The following RHOA variants were observed in gnomAD, a reference collection of about 807,000 sequenced individuals.
RHOA encodes the protein ras homolog family member A.
Under a neutral mutation model 17.5 loss-of-function variants are expected in RHOA, and 3 were observed. That is an observed-to-expected ratio of 0.17 (90% confidence interval 0.08 to 0.44). The LOEUF (loss-of-function observed/expected upper bound fraction) is 0.44. Among genes scored for constraint, RHOA ranks in the 20% least tolerant of loss-of-function variants. The pLI, the probability that RHOA is intolerant of heterozygous loss-of-function variation, is 0.99. For missense variants in RHOA, 56 were observed against 242.3 expected (o/e 0.23, Z 5.10); for synonymous variants, 98 against 88.4 (o/e 1.11, Z -0.61).
intron 1 of RHOA, among the ~76,000 whole-genome samples, chr3:49,400,221 A>C (rs534681365): frequency 7.1e-4 from 7 of 9,856 alleles, no homozygotes; most frequent in East Asian, 0.023. Flanking sequence ...CAAAAAAAAA[A>C]AAAAACAAAA....
chr3:49,365,249 TCTC>T (rs2048036963), intron 3 of RHOA: 1 of 151,424 alleles, frequency 6.6e-6, no homozygotes, highest in African/African-American at 2.4e-5. Context: ...TTCAAGCAAT[TCTC>T]CTGCCTCAGC....
At chr3:49,394,698 A>G (rs1198145374) in intron 1 of RHOA, among the ~76,000 whole-genome samples, 1 of 152,172 alleles carries the variant, frequency 6.6e-6, no homozygotes, top group Non-Finnish European at 1.5e-5. Flanking sequence ...GCTACTAGAG[A>G]TACAGCTTTA....
At chr3:49,395,453 G>C (rs949525069) in intron 1 of RHOA, among the ~76,000 whole-genome samples, 1 of 152,096 alleles carries the variant, frequency 6.6e-6, no homozygotes, top group Non-Finnish European at 1.5e-5. Flanking sequence ...GTTCACACCT[G>C]TAATCCCGGC....
In RHOA at chr3:49,378,619, G is replaced by C. The variant is rs1488304907; in HGVS notation, c.-2-3028C>G. On this transcript the variant is annotated intron_variant, in intron 1 of 4. Transcript: ENST00000418115. Reference sequence around the variant, plus strand: ...TTTCTCTATTATGTAGTTATTTTCAGAAAGGGTCTCATTCTGTCACCAAGG... The same window carrying C: ...TTTCTCTATTATGTAGTTATTTTCACAAAGGGTCTCATTCTGTCACCAAGG... Among the ~76,000 whole-genome samples, 3 of 151,930 alleles carry C rather than the reference G, an allele frequency of 2.0e-5. No individual in the cohort carries two copies. In the East Asian group the frequency reaches 5.8e-4, roughly 29 times the overall value.
intron 1 of RHOA, among the ~76,000 whole-genome samples, chr3:49,387,740 CAAA>C (rs747822212): frequency 1.6e-5 from 1 of 62,964 alleles, no homozygotes. Context: ...CTCCAGGTCT[CAAA>C]AAAAAAAAAC....
intron 1 of RHOA, among the ~76,000 whole-genome samples, chr3:49,394,598 G>C (rs539690258): frequency 2.6e-5 from 4 of 151,922 alleles, no homozygotes; most frequent in African/African-American, 7.3e-5. Context: ...TGATCTACCT[G>C]CCTCGGCCTC....
chr3:49,394,837 A>C (rs1271597115), intron 1 of RHOA, among the ~76,000 whole-genome samples: 1 of 152,180 alleles, frequency 6.6e-6, no homozygotes. Flanking sequence ...ATGATATCTG[A>C]CCTGGATGGA....
intron 1 of RHOA, among the ~76,000 whole-genome samples, chr3:49,380,674 AAATAATAATAAT>A (rs199906304): frequency 0.019 from 2,620 of 137,500 alleles, 82 homozygotes; most frequent in African/African-American, 0.06. Flanking sequence ...CTTGTCTCAA[AAATAATAATAAT>A]AATAATAATA....
intron 1 of RHOA, among the ~76,000 whole-genome samples, chr3:49,387,307 G>A (rs1304869371): frequency 1.3e-5 from 2 of 151,166 alleles, no homozygotes; most frequent in Non-Finnish European, 2.9e-5. Flanking sequence ...AGCCAGGCAT[G>A]GTGGCACGCA....
At chr3:49,380,076 T>C (rs1019682078) in intron 1 of RHOA, among the ~76,000 whole-genome samples, 5 of 152,180 alleles carry the variant, frequency 3.3e-5, no homozygotes. Flanking sequence ...CCATGTACCA[T>C]GAGATGTGAG....
chr3:49,363,422 A>T (rs560530826), intron 3 of RHOA, among the ~76,000 whole-genome samples: 1 of 152,230 alleles, frequency 6.6e-6, no homozygotes, highest in South Asian at 2.1e-4. Flanking sequence ...TCTCAAATAA[A>T]AAAAAGTGAC....
intron 1 of RHOA, among the ~76,000 whole-genome samples, chr3:49,392,282 T>C (rs2048524661): frequency 1.3e-5 from 2 of 151,898 alleles, no homozygotes; most frequent in African/African-American, 4.8e-5. Flanking sequence ...TAATAAAAAT[T>C]AGCCAGGCGT....
intron 1 of RHOA, among the ~76,000 whole-genome samples, chr3:49,393,426 T>C (rs1021572254): frequency 2.0e-5 from 3 of 150,972 alleles, no homozygotes; most frequent in African/African-American, 4.9e-5. Flanking sequence ...CCCACCTCAG[T>C]ATCCCAAGTA....
At chr3:49,408,970 A>AT (rs1300693077) in intron 1 of RHOA, among the ~76,000 whole-genome samples, 1 of 151,666 alleles carries the variant, frequency 6.6e-6, no homozygotes. Context: ...TTTTTTTTGT[A>AT]TTTTTAGTAG....
At chr3:49,409,386 C>A (rs1480508532) in intron 1 of RHOA, among the ~76,000 whole-genome samples, 1 of 152,028 alleles carries the variant, frequency 6.6e-6, no homozygotes, top group Non-Finnish European at 1.5e-5. Context: ...CAGAGTGAGA[C>A]TCCATTTCAA....
At chr3:49,409,114 G>A (rs2048889774) in intron 1 of RHOA, among the ~76,000 whole-genome samples, 2 of 151,920 alleles carry the variant, frequency 1.3e-5, no homozygotes, top group South Asian at 4.2e-4. Context: ...TACAAATATG[G>A]GTGGGCGTGG....
At chr3:49,397,575 T>C (rs1347868918) in intron 1 of RHOA, among the ~76,000 whole-genome samples, 1 of 152,166 alleles carries the variant, frequency 6.6e-6, no homozygotes, top group East Asian at 1.9e-4. Flanking sequence ...CCTCAATAGC[T>C]TTCCCCTTCA....
At position 49,359,849 on chromosome 3, in the gene RHOA, G is replaced by A. The variant is rs564679250; in HGVS notation, c.*360C>T. The A allele has an allele frequency of 6.2e-5, 16 of 260,130 alleles. No homozygotes were observed. The highest frequency in any genetic ancestry group is 8.9e-5 in the Non-Finnish European group (12 of 134,376). 16.1% of individuals were successfully genotyped at this position (260,130 alleles called of 1,614,324 possible). The stretch of plus-strand genomic sequence containing the variant: ...TCACCAGAGTACCTTGCAGCTGACA[G>A]ATAATAGGCAGGACATGTTAGTTAT... On this transcript the variant is annotated 3_prime_UTR_variant, in exon 5 of 5. Transcript: ENST00000418115.
chr3:49,383,526 T>A (rs2048350327), intron 1 of RHOA, among the ~76,000 whole-genome samples: 1 of 152,124 alleles, frequency 6.6e-6, no homozygotes, highest in South Asian at 2.1e-4. Flanking sequence ...AAAAGTTTCC[T>A]TATAGATGGG....
Sources: gnomAD v4.1 joint callset for allele counts (sites outside exome capture counted in the v4.1 genomes callset) on GRCh38, gnomAD v4.1.1 for gene constraint, MANE v1.5 for transcripts, NCBI Gene and HGNC (gene_info 2026-07-23, HGNC 2026-07-21) for gene names.